The following SYT3 variants were observed in gnomAD, a reference collection of about 807,000 sequenced individuals.
SYT3 encodes synaptotagmin 3, also known as synaptotagmin-3.
A neutral mutation model predicts 50.6 loss-of-function variants in SYT3; 25 were observed. The ratio of observed to expected loss-of-function variants is 0.49; its 90% CI spans 0.36 to 0.69. The LOEUF is 0.69. SYT3 is among the 30% of genes least tolerant of loss of function. SYT3 has a pLI of 0.00. For missense variants in SYT3, 589 were observed against 793.6 expected, an observed-to-expected ratio of 0.74 and a Z score of 3.10; for synonymous variants, 323 against 353.9, an observed-to-expected ratio of 0.91 and a Z score of 0.98.
chr19:50,627,707 A>G (rs1178920677), intron 6 of SYT3, among the ~76,000 whole-genome samples: 1 of 141,510 alleles, frequency 7.1e-6, no homozygotes, highest in African/African-American at 2.7e-5. Flanking sequence ...AGCCTGGGTG[A>G]CAGAGAGAGA....
intron 3 of SYT3, among the ~76,000 whole-genome samples, chr19:50,633,430 CT>C (rs1599818989): frequency 1.3e-5 from 2 of 152,230 alleles, no homozygotes; most frequent in East Asian, 3.8e-4. Context: ...AATCACTAGA[CT>C]TTGCTGCCTC....
At chr19:50,651,509 GTC>G in the SYT3 span, among the ~76,000 whole-genome samples, 12 of 152,134 alleles carry the variant, frequency 7.9e-5, no homozygotes, top group African/African-American at 2.9e-4. Flanking sequence ...GCAGAGGTGT[GTC>G]TCATTCATCT....
the SYT3 span, among the ~76,000 whole-genome samples, chr19:50,651,171 C>T: frequency 1.3e-5 from 2 of 152,156 alleles, no homozygotes; most frequent in South Asian, 2.1e-4. Context: ...ACGTGAAACA[C>T]GCCATCTCAC....
chr19:50,656,627 A>G, the SYT3 span, among the ~76,000 whole-genome samples: 1 of 152,132 alleles, frequency 6.6e-6, no homozygotes, highest in Non-Finnish European at 1.5e-5. Context: ...CCACTTCTGT[A>G]AAGTTTACAA....
the SYT3 span, chr19:50,657,970 C>A: frequency 6.6e-7 from 1 of 1,515,814 alleles, no homozygotes. Context: ...GGCTGAGGTT[C>A]TCTCTCCGAC....
chr19:50,627,090 C>A (rs922223593), intron 6 of SYT3, among the ~76,000 whole-genome samples: 28 of 152,182 alleles, frequency 1.8e-4, no homozygotes, highest in Admixed American at 2.6e-4. Context: ...CCAACCCTGA[C>A]ACACAGGCTG....
intron 2 of SYT3, chr19:50,638,021 A>G (rs915197890): frequency 6.6e-6 from 1 of 152,580 alleles, no homozygotes; most frequent in African/African-American, 2.4e-5. Context: ...CCGGTGTCAC[A>G]ATCCAACGAG....
the SYT3 span, among the ~76,000 whole-genome samples, chr19:50,657,437 TA>T: frequency 7.9e-5 from 12 of 152,222 alleles, no homozygotes; most frequent in South Asian, 2.1e-4. Context: ...TGACAACTGT[TA>T]TCACCCTTGA....
At chr19:50,629,555 G>C in intron 5 of SYT3, 43 bp from the exon 6 acceptor site, 1 of 1,525,196 alleles carries the variant, frequency 6.6e-7, no homozygotes, top group Non-Finnish European at 9.0e-7. Flanking sequence ...GTGCCCATAA[G>C]CCCCTCCTCC....
At position 50,637,664 on chromosome 19, in the gene SYT3, T is replaced by G; in HGVS notation, c.-15-238A>C. On this transcript the variant is annotated intron_variant, in intron 2 of 10. Transcript: ENST00000600079. The surrounding 1 kb of genome is among the most constrained non-coding windows in gnomAD (Gnocchi z 4.9). ...GAGTAGACAGACAAGAGGGCAGAAA[T>G]TAGGGATGGAGATAGTAGCAGGGAC... The G allele has an allele frequency of 2.3e-6, 1 of 431,034 alleles. No individual in the cohort carries two copies. Among genetic ancestry groups the G allele is most frequent in the Non-Finnish European group, 4.2e-6 (1 of 237,346 alleles). 26.7% of individuals were successfully genotyped at this position (431,034 alleles called of 1,614,324 possible).
intron 6 of SYT3, among the ~76,000 whole-genome samples, chr19:50,626,506 G>T (rs2059146): frequency 0.63 from 88,553 of 139,670 alleles, 29,599 homozygotes; most frequent in Non-Finnish European, 0.73. Flanking sequence ...GAGAGAGAGG[G>T]GGGGGGACAG....
the SYT3 span, among the ~76,000 whole-genome samples, chr19:50,656,719 AGGTG>A: frequency 6.6e-6 from 1 of 152,154 alleles, no homozygotes; most frequent in Non-Finnish European, 1.5e-5. Flanking sequence ...TGGGAGGCTG[AGGTG>A]GGTGGATCAC....
At chr19:50,635,461 C>G (rs747707435) in intron 3 of SYT3, among the ~76,000 whole-genome samples, 2 of 152,160 alleles carry the variant, frequency 1.3e-5, no homozygotes, top group South Asian at 2.1e-4. Context: ...GTTATTTGGG[C>G]GTGGAGAGGT....
chr19:50,637,514 A>C lies in SYT3; in HGVS notation c.-15-88T>G. On this transcript the variant is annotated intron_variant, in intron 2 of 10. Transcript: ENST00000600079. The surrounding 1 kb of genome is among the most constrained non-coding windows in gnomAD (Gnocchi z 4.9). ...CAGGTGTGGAGATAAGGGTGGAAAGAGACACCGAGAAAAGGAAGGATGGGC... is the reference window on the plus strand; with the variant it reads ...CAGGTGTGGAGATAAGGGTGGAAAGCGACACCGAGAAAAGGAAGGATGGGC... 8.3e-7 allele frequency: 1 copy of C among 1,198,020 alleles called. No individual in the cohort carries two copies. Among genetic ancestry groups the C allele is most frequent in the Non-Finnish European group, 1.2e-6 (1 of 867,866 alleles). The allele number at this position is 1,198,020 out of a possible 1,614,324, so 74.2% of individuals were successfully genotyped here.
At position 50,629,999 on chromosome 19, in the gene SYT3, G is replaced by A. The variant is rs1229670779; in HGVS notation, c.847C>T (p.Arg283Trp). The stretch of plus-strand genomic sequence containing the variant: ...GAGCCTGGGCCCCCACCGCTCCGCC[G>A]GCCACCAGGGCCAGTCCCCTGGTAC... ...ELYQGTGPGG[R>W]RSGGGPGSGE... Residue 283 changes from arginine (R) to tryptophan (W), a missense_variant, in exon 5 of 11, where the codon CGG (arginine) becomes TGG (tryptophan). By Grantham distance (101) the Arg-to-Trp change is moderately radical (BLOSUM62 -3). Transcript: ENST00000600079. The A allele has an allele frequency of 6.2e-6, 10 of 1,613,738 alleles. No homozygotes were observed. The highest frequency in any genetic ancestry group is 5.3e-5 in the African/African-American group (4 of 75,042).
At position 50,637,138 on chromosome 19, in the gene SYT3, G is replaced by A. The variant is rs886066681; in HGVS notation, c.148+126C>T. 59 of 1,185,334 alleles carry A rather than the reference G, an allele frequency of 5.0e-5. No homozygotes were observed. Among genetic ancestry groups the A allele is most frequent in the Non-Finnish European group, 9.5e-6 (8 of 841,106 alleles). 73.4% of individuals were successfully genotyped at this position (1,185,334 alleles called of 1,614,324 possible). A position where few individuals can be genotyped will look rare whatever the true frequency, so the allele number is the denominator to read the frequency against. ...AGATTTGGGAGAAGGGCAGCAGCAG[G>A]CAGAATGGGGGCAAGACGCTACGAG... On this transcript the variant is annotated intron_variant, in intron 3 of 10. Transcript: ENST00000600079. The surrounding 1 kb of genome is among the most constrained non-coding windows in gnomAD (Gnocchi z 4.9).
chr19:50,631,772 A>G (rs1050983409), intron 4 of SYT3, among the ~76,000 whole-genome samples: 1 of 151,814 alleles, frequency 6.6e-6, no homozygotes, highest in Non-Finnish European at 1.5e-5. Flanking sequence ...CAGGACAGCC[A>G]GTCTGGGGGT....
At chr19:50,627,918 A>G (rs1416456204) in intron 6 of SYT3, among the ~76,000 whole-genome samples, 2 of 152,152 alleles carry the variant, frequency 1.3e-5, no homozygotes, top group Non-Finnish European at 2.9e-5. Flanking sequence ...AGCTGGTGGA[A>G]TACACAGGGG....
At chr19:50,638,550 A>G (rs553832758) in intron 2 of SYT3, among the ~76,000 whole-genome samples, 26 of 152,204 alleles carry the variant, frequency 1.7e-4, no homozygotes, top group Non-Finnish European at 2.9e-4. Context: ...AGGCAGAAGG[A>G]AAGTCAAGGA....
Sources: gnomAD v4.1 joint callset for allele counts (sites outside exome capture counted in the v4.1 genomes callset) on GRCh38, gnomAD v4.1.1 for gene constraint, Gnocchi (gnomAD v3.1) non-coding constraint, MANE v1.5 for transcripts, NCBI Gene and HGNC (gene_info 2026-07-23, HGNC 2026-07-21) for gene names.